GRIK5: variants seen among roughly 807,000 people sequenced by gnomAD.
GRIK5 encodes glutamate ionotropic receptor kainate type subunit 5, also known as glutamate receptor ionotropic, kainate 5.
A neutral mutation model predicts 97.4 loss-of-function variants in GRIK5; 43 were observed. That is an observed-to-expected ratio of 0.44 (90% confidence interval 0.35 to 0.57). GRIK5 has a LOEUF of 0.57. GRIK5 is among the 20% of genes least tolerant of loss of function. The probability of loss-of-function intolerance (pLI) is 0.01; values close to 1 mark genes in which losing one functional copy is unlikely to be tolerated. For synonymous variants in GRIK5, 580 were observed against 583.5 expected (o/e 0.99, Z 0.09); for missense variants, 1,015 against 1,382.0 (o/e 0.73, Z 4.21).
chr19:42,065,075 G>A lies in GRIK5; in HGVS notation c.244+148C>T. 4.3e-6 allele frequency: 3 copies of A among 699,482 alleles called. No individual in the cohort carries two copies. The highest frequency in any genetic ancestry group is 7.0e-6 in the Non-Finnish European group (3 of 431,326). 43.3% of individuals were successfully genotyped at this position (699,482 alleles called of 1,614,324 possible). A position where few individuals can be genotyped will look rare whatever the true frequency, so the allele number is the denominator to read the frequency against. On this transcript the variant is annotated intron_variant, in intron 3 of 19. Coordinates refer to ENST00000593562, the MANE Select transcript of GRIK5 (RefSeq NM_002088.5). The surrounding 1 kb of genome is among the most constrained non-coding windows in gnomAD (Gnocchi z 5.8). ...AACCCCCAGGCCCAGCAGCAGCCAT[G>A]TCTGGGAAGAAGGCAGAGACAAACA...
chr19:42,046,769 G>GA, intron 11 of GRIK5, among the ~76,000 whole-genome samples: 1 of 152,102 alleles, frequency 6.6e-6, no homozygotes. Flanking sequence ...GGTGGCCTCT[G>GA]AAAAAAGAAA....
chr19:42,042,827 G>A lies in GRIK5; in HGVS notation c.1270-72C>T. ...GCTGGGTTGCGGATCCTGGAGCCCGGACCAGGCAGGTAGAGCAGGAATCTG... is the reference window on the plus strand; with the variant it reads ...GCTGGGTTGCGGATCCTGGAGCCCGAACCAGGCAGGTAGAGCAGGAATCTG... On this transcript the variant is annotated intron_variant, in intron 11 of 19. Coordinates refer to ENST00000593562, the MANE Select transcript of GRIK5 (RefSeq NM_002088.5). The surrounding 1 kb of genome is among the most constrained non-coding windows in gnomAD (Gnocchi z 6.9). 8.6e-7 allele frequency: 1 copy of A among 1,160,688 alleles called. No homozygotes were observed. Among genetic ancestry groups the A allele is most frequent in the Non-Finnish European group, 1.3e-6 (1 of 797,406 alleles). The allele number at this position is 1,160,688 out of a possible 1,614,324, so 71.9% of individuals were successfully genotyped here. A position where few individuals can be genotyped will look rare whatever the true frequency, so the allele number is the denominator to read the frequency against.
chr19:42,048,776 T>C (rs1003323511), intron 11 of GRIK5, among the ~76,000 whole-genome samples: 5 of 151,974 alleles, frequency 3.3e-5, no homozygotes, highest in African/African-American at 1.2e-4. Context: ...TGGTGGCTCA[T>C]GCCTGTAATC....
intron 8 of GRIK5, among the ~76,000 whole-genome samples, chr19:42,055,836 C>T (rs778816370): frequency 2.6e-4 from 40 of 152,176 alleles, no homozygotes; most frequent in Middle Eastern, 3.4e-3. Context: ...GCATACGCCA[C>T]CACACCCAGC....
intron 15 of GRIK5, among the ~76,000 whole-genome samples, chr19:42,020,213 G>T (rs2042981164): frequency 6.6e-6 from 1 of 152,172 alleles, no homozygotes; most frequent in African/African-American, 2.4e-5. Context: ...CCATACCACA[G>T]TTAGTTCTAC....
At chr19:42,026,598 C>T (rs2075774888) in intron 12 of GRIK5, among the ~76,000 whole-genome samples, 1 of 149,238 alleles carries the variant, frequency 6.7e-6, no homozygotes, top group East Asian at 2.0e-4. Flanking sequence ...GAGACGGAGT[C>T]TCACTTGTCA....
At position 42,003,520 on chromosome 19, in the gene GRIK5, G is replaced by C. The variant is rs782591880; in HGVS notation, c.2392+35C>G. On this transcript the variant is annotated intron_variant, in intron 18 of 19. Transcript: ENST00000593562. The surrounding 1 kb of genome is among the most constrained non-coding windows in gnomAD (Gnocchi z 4.2). ...TGTGTGGGAAGGGGGCTGGGAGGGGGCTATGGGAAGGGGACACCATACGCG... is the reference window on the plus strand; with the variant it reads ...TGTGTGGGAAGGGGGCTGGGAGGGGCCTATGGGAAGGGGACACCATACGCG... 4.2e-5 allele frequency: 67 copies of C among 1,602,846 alleles called. No homozygotes were observed. The Middle Eastern group carries it at 1.8e-3, about 44-fold the overall frequency.
intron 11 of GRIK5, among the ~76,000 whole-genome samples, chr19:42,048,480 C>T (rs1268096588): frequency 1.3e-5 from 2 of 152,138 alleles, no homozygotes; most frequent in African/African-American, 4.8e-5. Flanking sequence ...ATTAGCCGGG[C>T]GTGGTGGCAG....
intron 12 of GRIK5, among the ~76,000 whole-genome samples, chr19:42,024,971 A>G (rs1355049080): frequency 2.0e-5 from 3 of 152,180 alleles, no homozygotes; most frequent in Non-Finnish European, 4.4e-5. Flanking sequence ...TTCAGAAGCA[A>G]GGCCAGCTGG....
chr19:42,000,707 G>A (rs2075416805), intron 19 of GRIK5, among the ~76,000 whole-genome samples: 1 of 152,174 alleles, frequency 6.6e-6, no homozygotes, highest in Admixed American at 6.5e-5. Flanking sequence ...CTGTGTCAGA[G>A]CTGGTCTGTG....
chr19:42,021,269 C>T lies in GRIK5; in HGVS notation c.1871+32G>A, dbSNP rs1342376252. On this transcript the variant is annotated intron_variant, in intron 15 of 19. Coordinates refer to ENST00000593562, the MANE Select transcript of GRIK5 (RefSeq NM_002088.5). The surrounding 1 kb of genome is among the most constrained non-coding windows in gnomAD (Gnocchi z 4.2). ...AGGCCTCAGATGGGTCCCTCCCTCG[C>T]CCCGGGCAGAGGCAGATAGAAAGCT... is the stretch of plus-strand genomic sequence containing the variant. The T allele has an allele frequency of 6.3e-7, 1 of 1,590,720 alleles. No individual in the cohort carries two copies. The highest frequency in any genetic ancestry group is 8.6e-7 in the Non-Finnish European group (1 of 1,167,288).
intron 11 of GRIK5, among the ~76,000 whole-genome samples, chr19:42,053,231 G>A (rs531335292): frequency 2.6e-5 from 4 of 152,220 alleles, no homozygotes; most frequent in South Asian, 2.1e-4. Context: ...TGGGCAAGTC[G>A]CCTCCCCTCT....
chr19:42,056,830 C>T lies in GRIK5; in HGVS notation c.742-7G>A. On this transcript the variant is annotated splice_region_variant and splice_polypyrimidine_tract_variant and intron_variant, in intron 7 of 19. Transcript: ENST00000593562. Reference sequence around the variant, plus strand: ...GATGCAGGATGGGGAAGTCCTGGGACCAGGAAGAGGTGGTGAGGCCTGGGG... The same window carrying T: ...GATGCAGGATGGGGAAGTCCTGGGATCAGGAAGAGGTGGTGAGGCCTGGGG... 6.2e-7 allele frequency: 1 copy of T among 1,613,916 alleles called. No homozygotes were observed. The highest frequency in any genetic ancestry group is 8.5e-7 in the Non-Finnish European group (1 of 1,179,930).
At position 42,006,078 on chromosome 19, in the gene GRIK5, C is replaced by A; in HGVS notation, c.2038-130G>T. On this transcript the variant is annotated intron_variant, in intron 16 of 19. Coordinates refer to ENST00000593562, the MANE Select transcript of GRIK5 (RefSeq NM_002088.5). The surrounding 1 kb of genome is among the most constrained non-coding windows in gnomAD (Gnocchi z 5.3). ...GCAAGGTGATCAAAGGAAGACAGAG[C>A]CAAAGGTAGAGGAGAGAGAGGAGAT... is the stretch of plus-strand genomic sequence containing the variant. 1 of 649,796 alleles carries A rather than the reference C, an allele frequency of 1.5e-6. No homozygotes were observed. The highest frequency in any genetic ancestry group is 2.8e-6 in the Non-Finnish European group (1 of 354,620). 40.3% of individuals were successfully genotyped at this position (649,796 alleles called of 1,614,324 possible).
At position 42,042,624 on chromosome 19, in the gene GRIK5, C is replaced by G. The variant is rs1179888046; in HGVS notation, c.1401G>C (p.Val467=). 6 of 1,613,156 alleles carry G rather than the reference C, an allele frequency of 3.7e-6. No homozygotes were observed. Among genetic ancestry groups the G allele is most frequent in the Non-Finnish European group, 5.1e-6 (6 of 1,179,980 alleles). ...LLRFRYRLRL[V]EDGLYGAPEP... is the part of the protein sequence containing the mutation. The stretch of plus-strand genomic sequence containing the variant: ...CGGGCGCCCCGTACAGCCCATCCTC[C>G]ACCAACCGCAGGCGGTAGCGGAAGC... The change falls in exon 12 of 20, where the codon GTG becomes GTC. Residue 467 remains valine, a synonymous_variant. Transcript: ENST00000593562. The surrounding 1 kb of genome is among the most constrained non-coding windows in gnomAD (Gnocchi z 6.9).
chr19:42,022,580 C>T lies in GRIK5; in HGVS notation c.1474-226G>A. ...TCATCATCTCACGTCTCCAGACACA[C>T]TGACTCCGTCCCCTAGGCCTCAACT... On this transcript the variant is annotated intron_variant, in intron 12 of 19. Transcript: ENST00000593562. The surrounding 1 kb of genome is among the most constrained non-coding windows in gnomAD (Gnocchi z 4.2). 1 of 985,240 alleles carries T rather than the reference C, an allele frequency of 1.0e-6. No homozygotes were observed. The highest frequency in any genetic ancestry group is 4.7e-5 in the South Asian group (1 of 21,282). The allele number at this position is 985,240 out of a possible 1,614,324, so 61.0% of individuals were successfully genotyped here.
intron 11 of GRIK5, among the ~76,000 whole-genome samples, chr19:42,048,909 G>A (rs1385741135): frequency 6.6e-6 from 1 of 152,012 alleles, no homozygotes; most frequent in East Asian, 1.9e-4. Flanking sequence ...GGGTGTGGTG[G>A]TGCACGACTG....
At chr19:42,033,522 G>A (rs77644408) in intron 12 of GRIK5, among the ~76,000 whole-genome samples, 3,656 of 152,206 alleles carry the variant, frequency 0.024, 142 homozygotes, top group African/African-American at 0.083. Context: ...TTGGGGTAGC[G>A]GGGAGGGAGT....
chr19:42,054,359 A>G lies in GRIK5; in HGVS notation c.1017T>C (p.Ile339=), dbSNP rs773356643. 6.2e-7 allele frequency: 1 copy of G among 1,613,230 alleles called. No homozygotes were observed. Among genetic ancestry groups the G allele is most frequent in the Non-Finnish European group, 8.5e-7 (1 of 1,179,772 alleles). The part of the protein sequence containing the change: ...VKPLACTSAN[I]WPHGTSLMNY... ...TCATGAGGCTGGTCCCGTGGGGCCAAATGTTGGCCGATGTACAGGCCAGAG... is the reference window on the plus strand; with the variant it reads ...TCATGAGGCTGGTCCCGTGGGGCCAGATGTTGGCCGATGTACAGGCCAGAG... Residue 339 remains isoleucine (I), a synonymous_variant, in exon 9 of 20, where the codon ATT becomes ATC. Transcript: ENST00000593562.
Sources: allele counts gnomAD v4.1 joint callset (sites outside exome capture counted in the v4.1 genomes callset), GRCh38; gene constraint gnomAD v4.1.1; non-coding constraint Gnocchi (gnomAD v3.1); transcripts MANE v1.5; gene names NCBI Gene and HGNC (gene_info 2026-07-23, HGNC 2026-07-21).